Variants in CC2D2A observed in about 807,000 individuals in gnomAD.
The protein encoded by CC2D2A is coiled-coil and C2 domain containing 2A.
In CC2D2A, 155 loss-of-function variants were observed where a neutral mutation model predicts 212.9. That is an observed-to-expected ratio of 0.73 (90% CI 0.64 to 0.83). The LOEUF (loss-of-function observed/expected upper bound fraction) is 0.83. Among genes scored for constraint, CC2D2A ranks in the 40% least tolerant of loss-of-function variants. The pLI is 0.00. For synonymous variants in CC2D2A, 667 were observed against 686.5 expected (o/e 0.97, Z 0.44); for missense variants, 1,856 against 1,956.2 (o/e 0.95, Z 0.97).
intron 4 of CC2D2A, among the ~76,000 whole-genome samples, chr4:15,500,099 G>GTATATATATATATA (rs71179633): frequency 1.5e-3 from 105 of 69,690 alleles, no homozygotes; most frequent in African/African-American, 3.0e-3. Flanking sequence ...GTGTGTGTGT[G>GTATATATATATATA]TGTGTGTGTA....
At chr4:15,495,072 C>T (rs1474594748) in intron 4 of CC2D2A, among the ~76,000 whole-genome samples, 1 of 152,106 alleles carries the variant, frequency 6.6e-6, no homozygotes, top group Non-Finnish European at 1.5e-5. Context: ...CACCTGCCTC[C>T]CACCCTCCAC....
rs563760130 is a variant in CC2D2A, at chr4:15,495,529, C to T, written c.248-6900C>T. On this transcript the variant is annotated intron_variant, in intron 4 of 36. Transcript: ENST00000424120. ...AATTCACTTAGGGGATAATAGCCTC[C>T]AGCTCCATCTATGTTGCTGCAAAGG... Among the ~76,000 whole-genome samples, 77 of 152,286 alleles carry T rather than the reference C, an allele frequency of 5.1e-4. 1 individual carries two copies. Among genetic ancestry groups the T allele is most frequent in the Non-Finnish European group, 7.9e-4 (54 of 68,022 alleles).
chr4:15,549,956 A>G (rs1303188304), intron 17 of CC2D2A, among the ~76,000 whole-genome samples: 1 of 152,240 alleles, frequency 6.6e-6, no homozygotes, highest in African/African-American at 2.4e-5. Flanking sequence ...ATCAGTGGAA[A>G]TAAAAGTAGT....
At chr4:15,546,158 C>G (rs1402154815) in intron 17 of CC2D2A, among the ~76,000 whole-genome samples, 1 of 151,910 alleles carries the variant, frequency 6.6e-6, no homozygotes, top group African/African-American at 2.4e-5. Context: ...CTTCATGGGA[C>G]AGGGGAGTTG....
chr4:15,487,556 T>C (rs1326015440), intron 4 of CC2D2A, among the ~76,000 whole-genome samples: 2 of 152,118 alleles, frequency 1.3e-5, no homozygotes, highest in African/African-American at 4.8e-5. Context: ...GAGTTTCTTA[T>C]AGGTAGCATA....
intron 12 of CC2D2A, among the ~76,000 whole-genome samples, chr4:15,527,966 C>T (rs1357113839): frequency 1.3e-5 from 2 of 152,194 alleles, no homozygotes; most frequent in Admixed American, 6.5e-5. Flanking sequence ...ATCTCAGAAC[C>T]TGAGAAAATT....
intron 4 of CC2D2A, chr4:15,481,824 T>C (rs1338274405): frequency 1.0e-6 from 1 of 985,234 alleles, no homozygotes; most frequent in African/African-American, 1.7e-5. Context: ...CAAAGGAAGA[T>C]GAAATTGTTA....
intron 6 of CC2D2A, among the ~76,000 whole-genome samples, chr4:15,508,561 T>C (rs1716389057): frequency 6.6e-6 from 1 of 152,210 alleles, no homozygotes; most frequent in Non-Finnish European, 1.5e-5. Context: ...GTGGTACAGT[T>C]AAAATTCAAA....
chr4:15,593,939 T>C (rs925852878), intron 33 of CC2D2A, among the ~76,000 whole-genome samples: 2 of 152,162 alleles, frequency 1.3e-5, no homozygotes, highest in African/African-American at 4.8e-5. Context: ...TCTACCCAAA[T>C]ACTCCAGTGA....
chr4:15,516,061 A>G, intron 10 of CC2D2A, 57 bp downstream of exon 10: 1 of 1,446,672 alleles, frequency 6.9e-7, no homozygotes, highest in Non-Finnish European at 9.1e-7. Context: ...CATAGCTTTT[A>G]TTTTCCTAAC....
intron 33 of CC2D2A, among the ~76,000 whole-genome samples, chr4:15,594,984 AAT>A (rs201700886): frequency 0.014 from 2,104 of 151,906 alleles, 44 homozygotes; most frequent in African/African-American, 0.048. Flanking sequence ...AAAAAAAAAA[AAT>A]TTTTTTTTAA....
At position 15,560,579 on chromosome 4, in the gene CC2D2A, C is replaced by T; in HGVS notation, c.2971C>T (p.Leu991Phe). 6.5e-7 allele frequency: 1 copy of T among 1,531,468 alleles called. No individual in the cohort carries two copies. The highest frequency in any genetic ancestry group is 9.0e-7 in the Non-Finnish European group (1 of 1,115,584). The allele number at this position is 1,531,468 out of a possible 1,614,324, so 94.9% of individuals were successfully genotyped here. ...TTTCTTAATTGCAAAACAATATTTTCTTCTTGCTGATATGATAGTAGAAGA... is the reference window on the plus strand; with the variant it reads ...TTTCTTAATTGCAAAACAATATTTTTTTCTTGCTGATATGATAGTAGAAGA... ...NRFLIAKQYFLLADMIVEEEV... is the reference protein window; with the variant it reads ...NRFLIAKQYFFLADMIVEEEV... The change falls in exon 23 of 37, where the codon CTT becomes TTT. Residue 991 changes from leucine to phenylalanine, a missense_variant. This residue lies in a region of CC2D2A where 1,512 missense variants were observed against 1,579.3 expected (regional missense o/e 0.96). Transcript: ENST00000424120.
intron 20 of CC2D2A, 108 bp from the exon 21 acceptor site, chr4:15,557,196 C>T (rs978431886): frequency 4.8e-6 from 3 of 622,936 alleles, no homozygotes; most frequent in Non-Finnish European, 5.6e-6. Context: ...TTTTGTCTTT[C>T]AAGTCTTTTA....
In CC2D2A at chr4:15,530,933, C is replaced by A. The variant is rs568525756; in HGVS notation, c.1466+2207C>A. Among the ~76,000 whole-genome samples, 13 of 152,200 alleles carry A rather than the reference C, an allele frequency of 8.5e-5. No homozygotes were observed. In the East Asian group the frequency reaches 2.3e-3, roughly 27 times the overall value. On this transcript the variant is annotated intron_variant, in intron 13 of 36. Transcript: ENST00000424120. ...ATGACTACATTCCTTATCCTCTGAACGGAAACCAGGATGTAGAAGGAAGAA... is the reference window on the plus strand; with the variant it reads ...ATGACTACATTCCTTATCCTCTGAAAGGAAACCAGGATGTAGAAGGAAGAA...
At chr4:15,562,310 G>C (rs1256693734) in intron 23 of CC2D2A, among the ~76,000 whole-genome samples, 1 of 152,230 alleles carries the variant, frequency 6.6e-6, no homozygotes, top group Non-Finnish European at 1.5e-5. Flanking sequence ...GCTCTGCAAA[G>C]CTGGCTTTGT....
intron 16 of CC2D2A, among the ~76,000 whole-genome samples, chr4:15,539,795 G>A (rs1338280912): frequency 6.6e-6 from 1 of 152,206 alleles, no homozygotes; most frequent in East Asian, 1.9e-4. Flanking sequence ...TATGAGTGGA[G>A]TCTAAGTCTT....
intron 10 of CC2D2A, 56 bp from the exon 11 acceptor site, chr4:15,516,569 A>G: frequency 6.4e-7 from 1 of 1,559,296 alleles, no homozygotes; most frequent in Non-Finnish European, 8.7e-7. Context: ...TGTGTTGTGA[A>G]CCATTTTCTG....
chr4:15,507,618 G>C (rs1345382537), intron 6 of CC2D2A, among the ~76,000 whole-genome samples: 2 of 152,182 alleles, frequency 1.3e-5, no homozygotes, highest in African/African-American at 4.8e-5. Context: ...CAGATTAATA[G>C]GAGAAAAGGC....
chr4:15,478,547 T>C (rs2108969668), intron 2 of CC2D2A, among the ~76,000 whole-genome samples, 176 bp from the exon 3 acceptor site: 1 of 152,320 alleles, frequency 6.6e-6, no homozygotes, highest in East Asian at 1.9e-4. Flanking sequence ...CGAAAACATG[T>C]CTATGTTGAG....
Sources: gnomAD v4.1 joint callset for allele counts (sites outside exome capture counted in the v4.1 genomes callset) on GRCh38, gnomAD v4.1.1 for gene constraint, gnomAD v4.1.1 regional missense constraint, MANE v1.5 for transcripts, NCBI Gene and HGNC (gene_info 2026-07-23, HGNC 2026-07-21) for gene names.